Variants in LARP4B observed in about 807,000 individuals in gnomAD.
LARP4B encodes La ribonucleoprotein 4B, also known as la-related protein 4B.
LARP4B carries 12 observed loss-of-function variants against 89.8 expected under a neutral mutation model. The ratio of observed to expected loss-of-function variants is 0.13; its 90% CI spans 0.09 to 0.22. The LOEUF (loss-of-function observed/expected upper bound fraction) is 0.22, where lower values mean the gene tolerates loss of function less well. LARP4B is among the 10% of genes least tolerant of loss of function. LARP4B has a pLI of 1.00. For synonymous variants in LARP4B, 367 were observed against 363.3 expected, an observed-to-expected ratio of 1.01 and a Z score of -0.12; for missense variants, 757 against 947.7, an observed-to-expected ratio of 0.80 and a Z score of 2.64.
chr10:930,150 T>G (rs1036835853), intron 1 of LARP4B, among the ~76,000 whole-genome samples: 2 of 151,686 alleles, frequency 1.3e-5, no homozygotes, highest in East Asian at 3.9e-4. Context: ...TTCCCCACTG[T>G]GGTCTTCACA....
chr10:960,071 A>G, the LARP4B span, among the ~76,000 whole-genome samples: 1 of 152,244 alleles, frequency 6.6e-6, no homozygotes, highest in South Asian at 2.1e-4. Flanking sequence ...TGAGCGATCA[A>G]GCCATGAAAA....
intron 1 of LARP4B, among the ~76,000 whole-genome samples, chr10:925,031 T>A (rs987640796): frequency 3.3e-5 from 5 of 152,220 alleles, no homozygotes; most frequent in Non-Finnish European, 5.9e-5. Flanking sequence ...TTATATGGTA[T>A]GTTATAGTGT....
Position 820,817 on chromosome 10 carries a change from T to C in LARP4B, c.1513A>G (p.Arg505Gly). 1 of 1,612,896 alleles carries C rather than the reference T, an allele frequency of 6.2e-7. No individual in the cohort carries two copies. The highest frequency in any genetic ancestry group is 1.1e-5 in the South Asian group (1 of 90,962). Residue 505 changes from arginine to glycine, a missense_variant, in exon 14 of 18, where the codon AGG becomes GGG. Arg to Gly is a moderately radical substitution (Grantham distance 125). This residue lies in a region of LARP4B where 387 missense variants were observed against 423.6 expected (regional missense o/e 0.91). Coordinates refer to ENST00000316157, the MANE Select transcript of LARP4B (RefSeq NM_015155.3). ...GTACTCACTGTAAACTTCTCCTCCC[T>C]TTTCTTCCGGTAGCCAAAGGAATTC... is the stretch of plus-strand genomic sequence containing the variant. The part of the protein sequence containing the change: ...RKNSFGYRKK[R>G]EEKFTSSQTQ...
chr10:884,811 T>G (rs901528391), intron 2 of LARP4B, among the ~76,000 whole-genome samples: 1 of 152,134 alleles, frequency 6.6e-6, no homozygotes, highest in Non-Finnish European at 1.5e-5. Flanking sequence ...ACAAAAGTAG[T>G]CAAAAAAATG....
At chr10:925,635 G>A (rs1288361192) in intron 1 of LARP4B, among the ~76,000 whole-genome samples, 1 of 152,116 alleles carries the variant, frequency 6.6e-6, no homozygotes, top group East Asian at 1.9e-4. Flanking sequence ...CCGGGTTTAA[G>A]CAATTCTCCC....
chr10:807,760 A>T (rs1831606754), downstream of LARP4B: 1 of 152,280 alleles, frequency 6.6e-6, no homozygotes. Flanking sequence ...CATAAGTTCC[A>T]TAAGCACCTG....
At chr10:957,186 A>G in the LARP4B span, among the ~76,000 whole-genome samples, 2 of 152,134 alleles carry the variant, frequency 1.3e-5, no homozygotes, top group South Asian at 4.2e-4. Context: ...TTTTGAAACA[A>G]GGTCTTTGCT....
chr10:918,260 G>A (rs983679593), intron 1 of LARP4B, among the ~76,000 whole-genome samples: 1 of 152,140 alleles, frequency 6.6e-6, no homozygotes, highest in African/African-American at 2.4e-5. Flanking sequence ...TATGCTCCTG[G>A]GTTGCAATCA....
intron 7 of LARP4B, 115 bp from the exon 8 acceptor site, chr10:836,621 G>A: frequency 1.5e-6 from 1 of 660,924 alleles, no homozygotes; most frequent in South Asian, 2.1e-5. Context: ...ACCTGCAAAT[G>A]GGCAAAGTAA....
At chr10:834,707 T>C (rs2131686211) in intron 8 of LARP4B, among the ~76,000 whole-genome samples, 1 of 152,344 alleles carries the variant, frequency 6.6e-6, no homozygotes, top group African/African-American at 2.4e-5. Context: ...TTTTGAATAA[T>C]ATAAATACTC....
chr10:875,798 G>A (rs547650145), intron 3 of LARP4B, among the ~76,000 whole-genome samples: 27 of 152,034 alleles, frequency 1.8e-4, no homozygotes, highest in Non-Finnish European at 3.1e-4. Context: ...GCTGCACGGC[G>A]GACTGATTTT....
chr10:966,056 TTG>T, the LARP4B span, among the ~76,000 whole-genome samples: 74 of 128,282 alleles, frequency 5.8e-4, no homozygotes, highest in African/African-American at 9.0e-4. Flanking sequence ...TGTGTGGGTT[TTG>T]TGTGTGTGTG....
chr10:808,057 A>AC (rs1415013328), downstream of LARP4B: 2 of 152,306 alleles, frequency 1.3e-5, no homozygotes, highest in African/African-American at 4.8e-5. Context: ...GAATACAACA[A>AC]CTTCAGACTT....
chr10:862,020 G>A (rs1834637602), intron 5 of LARP4B, among the ~76,000 whole-genome samples: 1 of 151,992 alleles, frequency 6.6e-6, no homozygotes, highest in Admixed American at 6.5e-5. Flanking sequence ...CCATTCCCAA[G>A]TCACTAACCA....
chr10:850,254 A>C (rs1023346148), intron 5 of LARP4B, among the ~76,000 whole-genome samples: 3 of 152,236 alleles, frequency 2.0e-5, no homozygotes, highest in Non-Finnish European at 2.9e-5. Context: ...AGAAGACAAA[A>C]AAGCAAAACC....
chr10:814,812 C>T lies in LARP4B; in HGVS notation c.1859G>A (p.Ser620Asn), dbSNP rs1191380205. 6.2e-7 allele frequency: 1 copy of T among 1,600,294 alleles called. No individual in the cohort carries two copies. The highest frequency in any genetic ancestry group is 8.6e-7 in the Non-Finnish European group (1 of 1,169,470). ...KVAEKQRETH[S>N]VDRLPSALTA... is the part of the protein sequence containing the mutation. ...GAGGGCGGAAGGAAGTCTGTCCACA[C>T]TGTGGGTTTCCCTCTGTTTCTCCGC... The change falls in exon 17 of 18, where the codon AGT (serine) becomes AAT (asparagine). Residue 620 changes from serine to asparagine, a missense_variant. Around this residue, in one of 5 missense-constraint regions of LARP4B, gnomAD observed 387 missense variants for 423.6 expected, o/e 0.91. Coordinates refer to ENST00000316157, the MANE Select transcript of LARP4B (RefSeq NM_015155.3). This position sits in a 1 kb window ranked among gnomAD's most constrained non-coding sequence, Gnocchi z 4.4.
intron 1 of LARP4B, among the ~76,000 whole-genome samples, chr10:911,333 T>A (rs568745492): frequency 3.9e-5 from 6 of 152,304 alleles, no homozygotes; most frequent in African/African-American, 1.4e-4. Context: ...AGCTGATACT[T>A]TGGCTATTGT....
intron 15 of LARP4B, 40 bp from the exon 16 acceptor site, chr10:815,110 C>G: frequency 6.6e-7 from 1 of 1,517,422 alleles, no homozygotes; most frequent in South Asian, 1.3e-5. Context: ...GTCCTGCCGG[C>G]ACTAAGCGGA....
intron 12 of LARP4B, 39 bp from the exon 13 acceptor site, chr10:825,355 T>A: frequency 6.3e-7 from 1 of 1,598,066 alleles, no homozygotes; most frequent in Non-Finnish European, 8.5e-7. Flanking sequence ...AGTTATAAAA[T>A]GATCAAGGCA....
Sources: gnomAD v4.1 joint callset for allele counts (sites outside exome capture counted in the v4.1 genomes callset) on GRCh38, gnomAD v4.1.1 for gene constraint, gnomAD v4.1.1 regional missense constraint, Gnocchi (gnomAD v3.1) non-coding constraint, MANE v1.5 for transcripts, NCBI Gene and HGNC (gene_info 2026-07-23, HGNC 2026-07-21) for gene names.